ZNF804A: variants seen among roughly 807,000 people sequenced by gnomAD.
ZNF804A encodes the protein zinc finger protein 804A.
A neutral mutation model predicts 16.5 loss-of-function variants in ZNF804A; 2 were observed. The observed-to-expected ratio is 0.12, with a 90% CI of 0.05 to 0.38. ZNF804A has a LOEUF of 0.38. Among genes scored for constraint, ZNF804A ranks in the 10% least tolerant of loss-of-function variants. ZNF804A has a pLI of 0.99. For missense variants in ZNF804A, 1,473 were observed against 1,390.7 expected (o/e 1.06, Z -0.94); for synonymous variants, 534 against 489.6 (o/e 1.09, Z -1.20).
chr2:184,632,509 C>T (rs909793752), intron 1 of ZNF804A, among the ~76,000 whole-genome samples: 2 of 152,180 alleles, frequency 1.3e-5, no homozygotes, highest in African/African-American at 2.4e-5. Context: ...AATTCTCCCA[C>T]CTCAGCCTCC....
At chr2:184,691,640 A>G (rs1376832574) in intron 1 of ZNF804A, among the ~76,000 whole-genome samples, 1 of 151,810 alleles carries the variant, frequency 6.6e-6, no homozygotes, top group African/African-American at 2.4e-5. Flanking sequence ...TACTGTTAAT[A>G]TAAACTTTCA....
intron 1 of ZNF804A, among the ~76,000 whole-genome samples, chr2:184,708,017 C>T (rs539443753): frequency 2.7e-4 from 41 of 152,014 alleles, no homozygotes; most frequent in African/African-American, 9.2e-4. Flanking sequence ...GTGGCTTTGA[C>T]TTGCATTTCT....
At chr2:184,769,270 TG>T (rs1222388539) in intron 1 of ZNF804A, among the ~76,000 whole-genome samples, 1 of 152,122 alleles carries the variant, frequency 6.6e-6, no homozygotes, top group African/African-American at 2.4e-5. Flanking sequence ...GCTTGCAAAA[TG>T]TAAGTTCTGG....
chr2:184,867,646 G>C (rs1020567233), intron 2 of ZNF804A, among the ~76,000 whole-genome samples: 1 of 152,050 alleles, frequency 6.6e-6, no homozygotes, highest in African/African-American at 2.4e-5. Flanking sequence ...TGGCCCACTG[G>C]TTAAGGGAAA....
chr2:184,921,320 T>C (rs984257655), intron 2 of ZNF804A, among the ~76,000 whole-genome samples: 9 of 152,278 alleles, frequency 5.9e-5, no homozygotes, highest in African/African-American at 2.2e-4. Flanking sequence ...ATTATCAAAA[T>C]ATTAGGTGAG....
chr2:184,626,100 T>A (rs549397916), intron 1 of ZNF804A, among the ~76,000 whole-genome samples: 1 of 151,838 alleles, frequency 6.6e-6, no homozygotes, highest in African/African-American at 2.4e-5. Flanking sequence ...GATCTCCTGA[T>A]CTCGTGATCC....
At chr2:184,599,476 T>C (rs921930906) in intron 1 of ZNF804A, among the ~76,000 whole-genome samples, 8 of 152,202 alleles carry the variant, frequency 5.3e-5, no homozygotes, top group Admixed American at 1.3e-4. Context: ...CAGGGAACCA[T>C]GTGGCTGGTC....
rs151014617 is a variant in ZNF804A, at chr2:184,894,071, A to G, written c.255+27559A>G. Among the ~76,000 whole-genome samples, 1,382 of 152,238 alleles carry G rather than the reference A, an allele frequency of 9.1e-3. 23 individuals carry two copies. The highest frequency in any genetic ancestry group is 0.032 in the African/African-American group (1,321 of 41,532). On this transcript the variant is annotated intron_variant, in intron 2 of 3. Coordinates refer to ENST00000302277, the MANE Select transcript of ZNF804A (RefSeq NM_194250.2). ...TTTTATGATACTCTGTTTGAGAACA[A>G]CAATGCATTATTAATTACAAGAAGA...
intron 1 of ZNF804A, among the ~76,000 whole-genome samples, chr2:184,706,766 G>A (rs1019158554): frequency 6.6e-6 from 1 of 152,084 alleles, no homozygotes; most frequent in African/African-American, 2.4e-5. Context: ...TTGGAGAGCT[G>A]GTATCCACAA....
At chr2:184,896,621 C>T (rs1685073895) in intron 2 of ZNF804A, among the ~76,000 whole-genome samples, 2 of 152,068 alleles carry the variant, frequency 1.3e-5, no homozygotes, top group South Asian at 4.1e-4. Flanking sequence ...TTTTGAAAAC[C>T]TGTACCTTAG....
At chr2:184,922,033 G>A (rs1277255754) in intron 2 of ZNF804A, among the ~76,000 whole-genome samples, 7 of 152,104 alleles carry the variant, frequency 4.6e-5, no homozygotes, top group Admixed American at 4.6e-4. Flanking sequence ...GGAGACTTAG[G>A]CTGCTTCCAA....
chr2:184,858,600 T>A (rs1337011281), intron 1 of ZNF804A, among the ~76,000 whole-genome samples: 1 of 152,108 alleles, frequency 6.6e-6, no homozygotes, highest in Non-Finnish European at 1.5e-5. Flanking sequence ...TTTTGATGTT[T>A]TAATTTACAT....
rs570769282 is a variant in ZNF804A, at chr2:184,907,613, T to C, written c.256-25990T>C. 2.6e-5 allele frequency among the ~76,000 whole-genome samples: 4 copies of C among 152,260 alleles called. No homozygotes were observed. In the East Asian group the frequency reaches 5.8e-4, roughly 22 times the overall value. ...CATATGGTTGAATGAAGTTGTGTCT[T>C]GCCAGAAACAAGAACTGTAACAAGT... On this transcript the variant is annotated intron_variant, in intron 2 of 3. Transcript: ENST00000302277.
rs907231455 is a variant in ZNF804A, at chr2:184,598,580, C to T, written c.-380C>T. The T allele has an allele frequency of 1.5e-4, 24 of 160,464 alleles. No homozygotes were observed. The highest frequency in any genetic ancestry group is 3.0e-4 in the Non-Finnish European group (22 of 73,910). The allele number at this position is 160,464 out of a possible 1,614,324, so 9.9% of individuals were successfully genotyped here. On this transcript the variant is annotated 5_prime_UTR_variant, in exon 1 of 4. Transcript: ENST00000302277. The stretch of plus-strand genomic sequence containing the variant: ...GGGGATGCTGCCGCCGCCGCCGCTT[C>T]TGCTGCCGCGCGGGCGGCTCCCGCA...
chr2:184,644,584 C>T (rs1034747960), intron 1 of ZNF804A, among the ~76,000 whole-genome samples: 5 of 151,764 alleles, frequency 3.3e-5, no homozygotes, highest in South Asian at 2.1e-4. Context: ...CCTGTAATGT[C>T]GTCATTAAAT....
Position 184,936,261 on chromosome 2 carries a change from G to T in ZNF804A, c.865G>T (p.Glu289Ter), listed in dbSNP as rs201293895. 2 of 1,613,792 alleles carry T rather than the reference G, an allele frequency of 1.2e-6. No homozygotes were observed. The highest frequency in any genetic ancestry group is 1.7e-6 in the Non-Finnish European group (2 of 1,179,948). ...HPPEAMCRDK[E>*]TVQTQEIKEV... ...ACCAGAGGCAATGTGCAGAGACAAA[G>T]AAACTGTTCAAACTCAAGAGATAAA... Residue 289 changes from glutamate to a stop codon, truncating the protein, a stop_gained, in exon 4 of 4, where the codon GAA becomes TAA. Transcript: ENST00000302277. LOFTEE classifies it low-confidence loss of function (END_TRUNC).
chr2:184,604,332 G>T (rs1255372158), intron 1 of ZNF804A, among the ~76,000 whole-genome samples: 1 of 151,466 alleles, frequency 6.6e-6, no homozygotes, highest in East Asian at 1.9e-4. Flanking sequence ...CATCGCGCCC[G>T]GCTAATTTTT....
At chr2:184,713,637 A>G (rs564092703) in intron 1 of ZNF804A, among the ~76,000 whole-genome samples, 1 of 152,092 alleles carries the variant, frequency 6.6e-6, no homozygotes, top group Non-Finnish European at 1.5e-5. Context: ...TTAGTTTTGG[A>G]GAATATTTTA....
intron 1 of ZNF804A, among the ~76,000 whole-genome samples, chr2:184,678,612 C>T (rs1692479996): frequency 6.6e-6 from 1 of 152,082 alleles, no homozygotes; most frequent in African/African-American, 2.4e-5. Flanking sequence ...CAGGATGATG[C>T]CGGAGAAAAG....
Sources: allele counts gnomAD v4.1 joint callset (sites outside exome capture counted in the v4.1 genomes callset), GRCh38; gene constraint gnomAD v4.1.1; transcripts MANE v1.5; gene names NCBI Gene and HGNC (gene_info 2026-07-23, HGNC 2026-07-21).